The following ZNF439 variants were observed in gnomAD, a reference collection of about 807,000 sequenced individuals.
ZNF439 encodes zinc finger protein 439.
Under a neutral mutation model 47.3 loss-of-function variants are expected in ZNF439, and 40 were observed. The ratio of observed to expected loss-of-function variants is 0.85; its 90% CI spans 0.66 to 1.10. ZNF439 has a LOEUF of 1.10. ZNF439 is among the 50% of genes least tolerant of loss of function. ZNF439 has a pLI of 0.00. For missense variants in ZNF439, 556 were observed against 601.1 expected (o/e 0.93, Z 0.78); for synonymous variants, 171 against 198.8 (o/e 0.86, Z 1.18).
chr19:11,863,189 T>C (rs2145176784), intron 1 of ZNF439, among the ~76,000 whole-genome samples: 1 of 135,242 alleles, frequency 7.4e-6, no homozygotes, highest in African/African-American at 2.7e-5. Flanking sequence ...GTAGTCTGGC[T>C]CTCTGGCCCA....
Position 11,868,713 on chromosome 19 carries a change from C to A in ZNF439, c.*144C>A. On this transcript the variant is annotated 3_prime_UTR_variant, in exon 4 of 4. Coordinates refer to ENST00000682736, the MANE Select transcript of ZNF439 (RefSeq NM_001348719.2). ...GTTCCTTTCGATATCTAAAAGGACT[C>A]ACAGTGGAGAAAAACTCTATGAGTG... 1 of 913,142 alleles carries A rather than the reference C, an allele frequency of 1.1e-6. No individual in the cohort carries two copies. The highest frequency in any genetic ancestry group is 1.6e-5 in the South Asian group (1 of 62,516). 56.6% of individuals were successfully genotyped at this position (913,142 alleles called of 1,614,324 possible). A position where few individuals can be genotyped will look rare whatever the true frequency, so the allele number is the denominator to read the frequency against.
rs1976148422 is a variant in ZNF439 at position 11,848,935 on chromosome 19, G to C, written c.63+5G>C. On this transcript the variant is annotated splice_donor_5th_base_variant and intron_variant, in intron 1 of 3. Transcript: ENST00000682736. ...ACATCTGAAAGCCGGGAAATGGTGC[G>C]TGTGCTGGCCGGGAGTGGTGCGATG... 6.4e-7 allele frequency: 1 copy of C among 1,562,404 alleles called. No individual in the cohort carries two copies. The highest frequency in any genetic ancestry group is 1.1e-5 in the South Asian group (1 of 90,404).
At chr19:11,865,738 A>AAAAAAAAAAAAC (rs1409459624) in intron 1 of ZNF439, among the ~76,000 whole-genome samples, 3 of 144,842 alleles carry the variant, frequency 2.1e-5, no homozygotes, top group African/African-American at 7.9e-5. Flanking sequence ...AAAAAAAAAA[A>AAAAAAAAAAAAC]AATTGCTGTC....
chr19:11,868,697 G>C lies in ZNF439; in HGVS notation c.*128G>C. 9.6e-7 allele frequency: 1 copy of C among 1,046,564 alleles called. No individual in the cohort carries two copies. The highest frequency in any genetic ancestry group is 1.4e-6 in the Non-Finnish European group (1 of 703,780). 64.8% of individuals were successfully genotyped at this position (1,046,564 alleles called of 1,614,324 possible). A position where few individuals can be genotyped will look rare whatever the true frequency, so the allele number is the denominator to read the frequency against. On this transcript the variant is annotated 3_prime_UTR_variant, in exon 4 of 4. Transcript: ENST00000682736. ...AGCCTTAATTGTTCCAGTTCCTTTC[G>C]ATATCTAAAAGGACTCACAGTGGAG... is the stretch of plus-strand genomic sequence containing the variant.
chr19:11,860,269 G>A (rs984174601), intron 1 of ZNF439, among the ~76,000 whole-genome samples: 6 of 151,980 alleles, frequency 3.9e-5, no homozygotes, highest in Non-Finnish European at 5.9e-5. Context: ...GTGAAACCCC[G>A]TCTTTACTAA....
chr19:11,851,508 G>T (rs751579301), intron 1 of ZNF439, among the ~76,000 whole-genome samples: 1 of 152,148 alleles, frequency 6.6e-6, no homozygotes, highest in Non-Finnish European at 1.5e-5. Context: ...GACTGGCAAG[G>T]AGTGTTTCTT....
intron 1 of ZNF439, among the ~76,000 whole-genome samples, chr19:11,859,094 A>G (rs1212745027): frequency 1.3e-5 from 2 of 152,172 alleles, no homozygotes; most frequent in East Asian, 1.9e-4. Context: ...CACATTTACA[A>G]TCTACGTTTG....
intron 1 of ZNF439, among the ~76,000 whole-genome samples, chr19:11,859,007 A>T (rs1976468487): frequency 6.6e-6 from 1 of 152,188 alleles, no homozygotes; most frequent in South Asian, 2.1e-4. Flanking sequence ...TTGTAGAATG[A>T]TAAAGCTCAG....
chr19:11,867,945 C>G lies in ZNF439; in HGVS notation c.891C>G (p.His297Gln). 1.2e-6 allele frequency: 2 copies of G among 1,614,110 alleles called. No homozygotes were observed. The highest frequency in any genetic ancestry group is 1.7e-6 in the Non-Finnish European group (2 of 1,180,008). ...PRSCHRHERS[H>Q]MGEKAYQCKE... ...CCTGTCACAGACATGAAAGGAGTCA[C>G]ATGGGAGAGAAGGCTTATCAATGTA... The change falls in exon 4 of 4, where the codon CAC becomes CAG. Residue 297 changes from histidine (H) to glutamine (Q), a missense_variant. His to Gln is a conservative substitution (Grantham distance 24). Coordinates refer to ENST00000682736, the MANE Select transcript of ZNF439 (RefSeq NM_001348719.2).
chr19:11,861,882 C>T (rs1009641542), intron 1 of ZNF439, among the ~76,000 whole-genome samples: 2 of 152,140 alleles, frequency 1.3e-5, no homozygotes, highest in African/African-American at 4.8e-5. Flanking sequence ...TTCATCTATC[C>T]TGGAAACAGA....
At position 11,852,224 on chromosome 19, in the gene ZNF439, A is replaced by AAGACC. The variant is rs551854797; in HGVS notation, c.63+3296_63+3297insACCAG. On this transcript the variant is annotated intron_variant, in intron 1 of 3. Transcript: ENST00000682736. Reference sequence around the variant, plus strand: ...GTGGATGGCTTGATCTCAGGAGTTCAAGCCTGGGCAACATAGTGAGACCCC... The same window carrying AAGACC: ...GTGGATGGCTTGATCTCAGGAGTTCAAGACCAGCCTGGGCAACATAGTGAGACCCC... Among the ~76,000 whole-genome samples the AAGACC allele has an allele frequency of 3.4e-3, 524 of 152,266 alleles. 1 individual carries two copies. Among genetic ancestry groups the AAGACC allele is most frequent in the Non-Finnish European group, 5.7e-3 (386 of 68,012 alleles).
At chr19:11,854,441 AC>A (rs1173948676) in intron 1 of ZNF439, among the ~76,000 whole-genome samples, 2 of 152,182 alleles carry the variant, frequency 1.3e-5, no homozygotes, top group Non-Finnish European at 2.9e-5. Flanking sequence ...CAGGGATGCA[AC>A]CCAAAATCAT....
At chr19:11,859,210 C>T (rs1046888796) in intron 1 of ZNF439, among the ~76,000 whole-genome samples, 4 of 152,180 alleles carry the variant, frequency 2.6e-5, no homozygotes, top group Non-Finnish European at 5.9e-5. Flanking sequence ...GCACAGGGCT[C>T]CTGCAACCCT....
intron 1 of ZNF439, chr19:11,857,655 C>T (rs1236545787): frequency 6.6e-6 from 1 of 152,244 alleles, no homozygotes; most frequent in Non-Finnish European, 1.5e-5. Context: ...AATGAAGAAT[C>T]TCCTTGCAGG....
intron 1 of ZNF439, among the ~76,000 whole-genome samples, chr19:11,861,458 TC>T (rs973769358): frequency 6.6e-6 from 1 of 152,114 alleles, no homozygotes; most frequent in Non-Finnish European, 1.5e-5. Context: ...GAGTGGGGCC[TC>T]CCAAGGGAGC....
Position 11,869,166 on chromosome 19 carries a change from C to A in ZNF439, c.*597C>A. On this transcript the variant is annotated 3_prime_UTR_variant, in exon 4 of 4. Transcript: ENST00000682736. ...AACCCTATGAATGTAAGCAATGTGG[C>A]AAAAGCTTTCACTTCTTCCAGTTCT... 1 of 201,340 alleles carries A rather than the reference C, an allele frequency of 5.0e-6. No individual in the cohort carries two copies. The allele number at this position is 201,340 out of a possible 1,614,324, so 12.5% of individuals were successfully genotyped here.
At chr19:11,848,960 G>C (rs1976149853) in intron 1 of ZNF439, 30 bp downstream of exon 1, 2 of 1,531,718 alleles carry the variant, frequency 1.3e-6, no homozygotes, top group Admixed American at 1.8e-5. Flanking sequence ...GTGGTGCGAT[G>C]GGGGAGGGGC....
chr19:11,849,284 C>T (rs924685533), intron 1 of ZNF439: 21 of 1,004,960 alleles, frequency 2.1e-5, no homozygotes, highest in Non-Finnish European at 2.5e-5. Context: ...CCCACAGCCT[C>T]CACTTTCTCC....
chr19:11,854,257 T>A (rs916596864), intron 1 of ZNF439, among the ~76,000 whole-genome samples: 9 of 152,230 alleles, frequency 5.9e-5, no homozygotes, highest in Non-Finnish European at 1.2e-4. Context: ...CTATGCAAAG[T>A]GATGGAGTAC....
Sources: gnomAD v4.1 joint callset for allele counts (sites outside exome capture counted in the v4.1 genomes callset) on GRCh38, gnomAD v4.1.1 for gene constraint, MANE v1.5 for transcripts, NCBI Gene and HGNC (gene_info 2026-07-23, HGNC 2026-07-21) for gene names.